The following CNGA3 variants were observed in gnomAD, a reference collection of about 807,000 sequenced individuals.
CNGA3 encodes the protein cyclic nucleotide gated channel subunit alpha 3, also known as cyclic nucleotide-gated channel alpha-3.
CNGA3 carries 42 observed loss-of-function variants against 46.6 expected under a neutral mutation model. The ratio of observed to expected loss-of-function variants is 0.90; its 90% CI spans 0.70 to 1.17. The LOEUF is 1.17. Ranked by LOEUF, CNGA3 falls within the 50% of genes most tolerant of loss-of-function variation. The pLI is 0.00. For synonymous variants in CNGA3, 394 were observed against 369.4 expected, an observed-to-expected ratio of 1.07 and a Z score of -0.76; for missense variants, 893 against 890.7, an observed-to-expected ratio of 1.00 and a Z score of -0.03.
chr2:98,355,359 A>G (rs1235260242), intron 1 of CNGA3, among the ~76,000 whole-genome samples: 1 of 152,152 alleles, frequency 6.6e-6, no homozygotes, highest in Non-Finnish European at 1.5e-5. Flanking sequence ...AAGCTCTGGA[A>G]TGTTTTTATT....
intron 5 of CNGA3, among the ~76,000 whole-genome samples, chr2:98,389,283 G>A: frequency 6.6e-6 from 1 of 152,184 alleles, no homozygotes; most frequent in East Asian, 1.9e-4. Flanking sequence ...GTGGGCCCTG[G>A]GAATCAGAAT....
At chr2:98,360,664 C>T (rs1360672832) in intron 1 of CNGA3, among the ~76,000 whole-genome samples, 1 of 152,178 alleles carries the variant, frequency 6.6e-6, no homozygotes, top group African/African-American at 2.4e-5. Flanking sequence ...AACATATAAA[C>T]ATTCCATTTT....
intron 1 of CNGA3, among the ~76,000 whole-genome samples, chr2:98,354,564 C>T (rs184803708): frequency 9.9e-5 from 15 of 152,222 alleles, no homozygotes; most frequent in South Asian, 4.1e-4. Context: ...GCAGAAGGAT[C>T]GCTTGAGCCT....
chr2:98,378,353 C>T (rs1439050153), intron 3 of CNGA3: 1 of 985,734 alleles, frequency 1.0e-6, no homozygotes, highest in Non-Finnish European at 1.4e-6. Flanking sequence ...CTTTTCAAAT[C>T]TCATCTAGAA....
intron 4 of CNGA3, among the ~76,000 whole-genome samples, chr2:98,381,835 G>A (rs887361194): frequency 8.5e-5 from 13 of 152,134 alleles, no homozygotes; most frequent in African/African-American, 2.9e-4. Flanking sequence ...GACACCATGA[G>A]ACAGAAAGAT....
At chr2:98,359,179 C>T (rs2106079338) in intron 1 of CNGA3, among the ~76,000 whole-genome samples, 1 of 152,350 alleles carries the variant, frequency 6.6e-6, no homozygotes, top group East Asian at 1.9e-4. Context: ...CTCAGAGCCA[C>T]CTTCCTGAGG....
intron 5 of CNGA3, among the ~76,000 whole-genome samples, chr2:98,385,207 G>A (rs1574382049): frequency 6.6e-6 from 1 of 152,118 alleles, no homozygotes. Flanking sequence ...AGCTGAGTCC[G>A]GCGTAAACTG....
In CNGA3 at chr2:98,398,518, T is replaced by C. The variant is rs1334356203; in HGVS notation, c.*1263T>C. On this transcript the variant is annotated 3_prime_UTR_variant, in exon 8 of 8. Transcript: ENST00000272602. ...CTCTCTCCTCTTTTCCTCCTCAAAA[T>C]GTATATATTTTAAAAGCCTTAACTG... 6.6e-6 allele frequency: 1 copy of C among 152,126 alleles called. No homozygotes were observed. Among genetic ancestry groups the C allele is most frequent in the Non-Finnish European group, 1.5e-5 (1 of 68,026 alleles). The allele number at this position is 152,126 out of a possible 1,614,324, so 9.4% of individuals were successfully genotyped here.
intron 3 of CNGA3, 43 bp downstream of exon 3, chr2:98,377,843 T>C: frequency 6.5e-7 from 1 of 1,549,196 alleles, no homozygotes; most frequent in Non-Finnish European, 8.8e-7. Context: ...TGGGGGACAC[T>C]GTTGCAGAAA....
intron 3 of CNGA3, among the ~76,000 whole-genome samples, chr2:98,378,520 A>C (rs766700436): frequency 1.3e-5 from 2 of 152,160 alleles, no homozygotes; most frequent in Non-Finnish European, 2.9e-5. Context: ...CATGTTCTAA[A>C]CTTTTTACTT....
chr2:98,357,454 C>T (rs866281472), intron 1 of CNGA3, among the ~76,000 whole-genome samples: 33 of 152,328 alleles, frequency 2.2e-4, no homozygotes, highest in Non-Finnish European at 1.6e-4. Flanking sequence ...GATTTCCTCC[C>T]CATCCTGCAT....
intron 1 of CNGA3, among the ~76,000 whole-genome samples, chr2:98,355,540 C>A (rs566840271): frequency 3.3e-5 from 5 of 152,048 alleles, no homozygotes; most frequent in South Asian, 2.1e-4. Context: ...ATGTTCTGCA[C>A]ATATTTTAAG....
chr2:98,392,254 G>T (rs1023999394), intron 7 of CNGA3, among the ~76,000 whole-genome samples: 2 of 152,192 alleles, frequency 1.3e-5, no homozygotes, highest in Admixed American at 6.5e-5. Flanking sequence ...CCTTGTTCTT[G>T]TCACCTCTGA....
intron 1 of CNGA3, among the ~76,000 whole-genome samples, chr2:98,360,103 G>T (rs1691993648): frequency 6.6e-6 from 1 of 152,228 alleles, no homozygotes; most frequent in African/African-American, 2.4e-5. Flanking sequence ...CTCAGGTTTT[G>T]GAGTCAGACA....
chr2:98,388,009 G>T (rs900330129), intron 5 of CNGA3, among the ~76,000 whole-genome samples: 1 of 152,180 alleles, frequency 6.6e-6, no homozygotes, highest in African/African-American at 2.4e-5. Flanking sequence ...AGAAATTGTA[G>T]AACATTAGAC....
rs554055451 is a variant in CNGA3 at position 98,397,765 on chromosome 2, C to T, written c.*510C>T. 19 of 169,164 alleles carry T rather than the reference C, an allele frequency of 1.1e-4. No homozygotes were observed. The highest frequency in any genetic ancestry group is 3.6e-4 in the African/African-American group (15 of 41,718). The allele number at this position is 169,164 out of a possible 1,614,324, so 10.5% of individuals were successfully genotyped here. A position where few individuals can be genotyped will look rare whatever the true frequency, so the allele number is the denominator to read the frequency against. ...CATATTTCTTAATCTGGTATCACCT[C>T]GTGTGTTCTTTGGGGCCCTAGAAAC... On this transcript the variant is annotated 3_prime_UTR_variant, in exon 8 of 8. Coordinates refer to ENST00000272602, the MANE Select transcript of CNGA3 (RefSeq NM_001298.3).
intron 1 of CNGA3, among the ~76,000 whole-genome samples, chr2:98,350,114 G>C (rs891702215): frequency 1.3e-5 from 2 of 152,240 alleles, no homozygotes; most frequent in Non-Finnish European, 2.9e-5. Context: ...CTAATACAGT[G>C]TAGGGGTTAA....
At position 98,396,035 on chromosome 2, in the gene CNGA3, G is replaced by A; in HGVS notation, c.865G>A (p.Asp289Asn). 1 of 1,614,142 alleles carries A rather than the reference G, an allele frequency of 6.2e-7. No individual in the cohort carries two copies. The highest frequency in any genetic ancestry group is 8.5e-7 in the Non-Finnish European group (1 of 1,180,034). Residue 289 changes from aspartate to asparagine, a missense_variant, in exon 8 of 8, where the codon GAC becomes AAC. Asp to Asn is a conservative substitution (Grantham distance 23). Around this residue, in one of 3 missense-constraint regions of CNGA3, gnomAD observed 548 missense variants for 570.8 expected, o/e 0.96. Coordinates refer to ENST00000272602, the MANE Select transcript of CNGA3 (RefSeq NM_001298.3). ...LKFSRLFEFFDRTETRTNYPN... is the reference protein window; with the variant it reads ...LKFSRLFEFFNRTETRTNYPN... ...GTTTTCCCGGCTCTTTGAATTCTTT[G>A]ACCGCACAGAGACAAGGACCAACTA...
intron 7 of CNGA3, among the ~76,000 whole-genome samples, chr2:98,393,155 G>A (rs752187805): frequency 2.0e-5 from 3 of 152,018 alleles, no homozygotes; most frequent in Non-Finnish European, 4.4e-5. Flanking sequence ...AGGCTGAGGT[G>A]AGAGGATTGC....
Sources: allele counts gnomAD v4.1 joint callset (sites outside exome capture counted in the v4.1 genomes callset), GRCh38; gene constraint gnomAD v4.1.1; regional missense constraint gnomAD v4.1.1; transcripts MANE v1.5; gene names NCBI Gene and HGNC (gene_info 2026-07-23, HGNC 2026-07-21).